Variants in ANKRD12 observed in about 807,000 individuals in gnomAD.
The protein encoded by ANKRD12 is ankyrin repeat domain-containing protein 12.
ANKRD12 carries 85 observed loss-of-function variants against 183.4 expected under a neutral mutation model. The ratio of observed to expected loss-of-function variants is 0.46; its 90% CI spans 0.39 to 0.56. The LOEUF (loss-of-function observed/expected upper bound fraction) is 0.56. Ranked by LOEUF, ANKRD12 falls within the 20% of genes least tolerant of loss-of-function variation. The pLI is 0.00. For missense variants in ANKRD12, 2,405 were observed against 2,357.1 expected (o/e 1.02, Z -0.42); for synonymous variants, 914 against 800.2 (o/e 1.14, Z -2.40).
intron 6 of ANKRD12, among the ~76,000 whole-genome samples, chr18:9,215,716 C>T (rs1462857382): frequency 7.8e-6 from 1 of 128,208 alleles, no homozygotes; most frequent in Non-Finnish European, 1.7e-5. Flanking sequence ...GCTCTCTCCT[C>T]CTGGAGAAAA....
At chr18:9,222,048 G>T (rs775221522) in intron 8 of ANKRD12, 49 bp downstream of exon 8, 1 of 1,593,876 alleles carries the variant, frequency 6.3e-7, no homozygotes, top group East Asian at 2.2e-5. Context: ...CATGATATTT[G>T]ATAGAACATT....
At chr18:9,241,491 C>G (rs2037659768) in intron 8 of ANKRD12, among the ~76,000 whole-genome samples, 1 of 152,090 alleles carries the variant, frequency 6.6e-6, no homozygotes, top group Admixed American at 6.5e-5. Context: ...TAGCTACCTC[C>G]TTGATTAAGC....
chr18:9,174,242 G>A (rs1369874894), intron 1 of ANKRD12, among the ~76,000 whole-genome samples: 1 of 152,220 alleles, frequency 6.6e-6, no homozygotes, highest in Non-Finnish European at 1.5e-5. Flanking sequence ...TCTCTAGCCT[G>A]TTGCACTGGC....
At chr18:9,199,181 C>G (rs2035023163) in intron 3 of ANKRD12, among the ~76,000 whole-genome samples, 1 of 152,078 alleles carries the variant, frequency 6.6e-6, no homozygotes, top group African/African-American at 2.4e-5. Context: ...GTAATCCCAG[C>G]TACTCGGGAT....
intron 8 of ANKRD12, among the ~76,000 whole-genome samples, chr18:9,240,329 A>G (rs970058383): frequency 1.3e-4 from 20 of 152,056 alleles, no homozygotes; most frequent in Non-Finnish European, 2.8e-4. Context: ...GCCTTTTTCC[A>G]TTAGTCTAAG....
chr18:9,196,705 G>A (rs146240941), intron 3 of ANKRD12, among the ~76,000 whole-genome samples: 95 of 152,288 alleles, frequency 6.2e-4, no homozygotes, highest in Admixed American at 1.0e-3. Context: ...TTTTGCCACT[G>A]CTGTTGTGTG....
At chr18:9,269,624 A>G (rs977903072) in intron 10 of ANKRD12, among the ~76,000 whole-genome samples, 21 of 152,356 alleles carry the variant, frequency 1.4e-4, no homozygotes, top group Admixed American at 2.6e-4. Context: ...TTAATTCAAG[A>G]TGGATTAAAG....
chr18:9,142,569 C>T (rs1178553753), intron 1 of ANKRD12, among the ~76,000 whole-genome samples: 1 of 152,168 alleles, frequency 6.6e-6, no homozygotes, highest in Admixed American at 6.5e-5. Flanking sequence ...TAAAAACATT[C>T]CTTATACAGC....
At chr18:9,222,991 G>T (rs2036506023) in intron 8 of ANKRD12, among the ~76,000 whole-genome samples, 1 of 152,132 alleles carries the variant, frequency 6.6e-6, no homozygotes, top group African/African-American at 2.4e-5. Context: ...TTAAATAACT[G>T]TGGTAAATAT....
At chr18:9,238,065 TG>T (rs1467490406) in intron 8 of ANKRD12, among the ~76,000 whole-genome samples, 1 of 152,186 alleles carries the variant, frequency 6.6e-6, no homozygotes, top group Non-Finnish European at 1.5e-5. Context: ...CCTTATCCTT[TG>T]AAATTCTCCA....
intron 2 of ANKRD12, among the ~76,000 whole-genome samples, chr18:9,193,164 A>T (rs1270356139): frequency 7.3e-6 from 1 of 136,562 alleles, no homozygotes. Context: ...TGGATACAGG[A>T]TCTCACTCTG....
intron 1 of ANKRD12, among the ~76,000 whole-genome samples, chr18:9,158,636 G>A (rs1266200558): frequency 1.3e-5 from 2 of 152,144 alleles, no homozygotes; most frequent in African/African-American, 4.8e-5. Context: ...CATTAACCTT[G>A]ATCACCTGGC....
At chr18:9,244,918 T>G (rs2037871506) in intron 8 of ANKRD12, among the ~76,000 whole-genome samples, 1 of 152,188 alleles carries the variant, frequency 6.6e-6, no homozygotes, top group Non-Finnish European at 1.5e-5. Context: ...TCCTGGGTGG[T>G]GGGATTATTT....
At chr18:9,260,634 C>T (rs2038912904) in intron 9 of ANKRD12, among the ~76,000 whole-genome samples, 1 of 152,148 alleles carries the variant, frequency 6.6e-6, no homozygotes, top group Non-Finnish European at 1.5e-5. Context: ...CCATGAGAAG[C>T]TGTCAGGGGA....
Position 9,165,823 on chromosome 18 carries a change from C to G in ANKRD12, c.-51-16559C>G, listed in dbSNP as rs1000015089. On this transcript the variant is annotated intron_variant, in intron 1 of 12. Transcript: ENST00000262126. ...CATGTTGGTGTGCTGCATCCATTAACTCATCATTTAGCATTAGGTATATCT... is the reference window on the plus strand; with the variant it reads ...CATGTTGGTGTGCTGCATCCATTAAGTCATCATTTAGCATTAGGTATATCT... Among the ~76,000 whole-genome samples, 97 of 150,532 alleles carry G rather than the reference C, an allele frequency of 6.4e-4. 1 individual carries two copies. Among genetic ancestry groups the G allele is most frequent in the African/African-American group, 2.3e-3 (95 of 40,934 alleles).
intron 8 of ANKRD12, chr18:9,235,921 G>T: frequency 7.9e-6 from 2 of 252,046 alleles, no homozygotes; most frequent in Non-Finnish European, 1.6e-5. Context: ...TAAGATAAAT[G>T]GCATATATAA....
chr18:9,281,535 G>A lies in ANKRD12; in HGVS notation c.*409G>A, dbSNP rs1166890902. The A allele has an allele frequency of 6.5e-6, 1 of 152,912 alleles. No homozygotes were observed. Among genetic ancestry groups the A allele is most frequent in the Non-Finnish European group, 1.5e-5 (1 of 68,290 alleles). The allele number at this position is 152,912 out of a possible 1,614,324, so 9.5% of individuals were successfully genotyped here. ...TAAAAGGTTCAATTCCTACCAAATA[G>A]TTTCTAATGTGGGAGAAAAACTTGG... On this transcript the variant is annotated 3_prime_UTR_variant, in exon 13 of 13. Coordinates refer to ENST00000262126, the MANE Select transcript of ANKRD12 (RefSeq NM_015208.5).
At chr18:9,157,585 G>GTGTATATATATA (rs1472659778) in intron 1 of ANKRD12, among the ~76,000 whole-genome samples, 21 of 92,676 alleles carry the variant, frequency 2.3e-4, no homozygotes, top group African/African-American at 1.1e-3. Context: ...GTGTGTGTGT[G>GTGTATATATATA]TATATATATA....
At chr18:9,157,672 G>A (rs558810377) in intron 1 of ANKRD12, among the ~76,000 whole-genome samples, 7 of 144,902 alleles carry the variant, frequency 4.8e-5, no homozygotes, top group African/African-American at 1.5e-4. Context: ...GCATGATCTC[G>A]ACTCACTGCA....
Sources: allele counts gnomAD v4.1 joint callset (sites outside exome capture counted in the v4.1 genomes callset), GRCh38; gene constraint gnomAD v4.1.1; transcripts MANE v1.5; gene names NCBI Gene and HGNC (gene_info 2026-07-23, HGNC 2026-07-21).